Variants in CSPP1 observed in about 807,000 individuals in gnomAD.
CSPP1 encodes centrosome and spindle pole associated protein 1.
In CSPP1, 126 loss-of-function variants were observed where a neutral mutation model predicts 164.4. The ratio of observed to expected loss-of-function variants is 0.77; its 90% confidence interval spans 0.66 to 0.89. The LOEUF is 0.89. Among genes scored for constraint, CSPP1 ranks in the 40% least tolerant of loss-of-function variants. The pLI is 0.00. For missense variants in CSPP1, 1,395 were observed against 1,449.8 expected, an observed-to-expected ratio of 0.96 and a Z score of 0.61; for synonymous variants, 472 against 476.7, an observed-to-expected ratio of 0.99 and a Z score of 0.13.
At chr8:67,123,541 AT>A (rs1228623989) in intron 15 of CSPP1, among the ~76,000 whole-genome samples, 1 of 149,318 alleles carries the variant, frequency 6.7e-6, no homozygotes, top group Non-Finnish European at 1.5e-5. Flanking sequence ...CCATTTTGCA[AT>A]TTTTTTCTAT....
chr8:67,189,914 C>T (rs933383375), intron 28 of CSPP1, among the ~76,000 whole-genome samples: 2 of 152,044 alleles, frequency 1.3e-5, no homozygotes, highest in African/African-American at 4.8e-5. Context: ...AAATTAGCTA[C>T]CGATCCACTA....
At chr8:67,066,858 G>A (rs190979145) in intron 1 of CSPP1, among the ~76,000 whole-genome samples, 189 of 151,042 alleles carry the variant, frequency 1.3e-3, no homozygotes, top group African/African-American at 4.4e-3. Context: ...GTGTGATCTC[G>A]GCTCACTGCA....
intron 3 of CSPP1, among the ~76,000 whole-genome samples, chr8:67,077,438 C>G (rs1338884344): frequency 6.6e-6 from 1 of 152,076 alleles, no homozygotes; most frequent in African/African-American, 2.4e-5. Context: ...CAGGTTCAGG[C>G]GATTCTCCTG....
At chr8:67,079,178 A>G (rs60452538) in intron 3 of CSPP1, among the ~76,000 whole-genome samples, 2,372 of 152,078 alleles carry the variant, frequency 0.016, 54 homozygotes, top group African/African-American at 0.053. Flanking sequence ...GGCTTTATTT[A>G]CTGTTAGTGT....
intron 24 of CSPP1, among the ~76,000 whole-genome samples, chr8:67,165,528 C>T (rs892960538): frequency 5.9e-5 from 9 of 152,186 alleles, no homozygotes; most frequent in Non-Finnish European, 1.0e-4. Context: ...CTCCCAGTCT[C>T]CTCGGGTCTG....
intron 1 of CSPP1, among the ~76,000 whole-genome samples, chr8:67,065,297 G>A (rs117282873): frequency 1.3e-5 from 2 of 152,264 alleles, no homozygotes; most frequent in Non-Finnish European, 2.9e-5. Flanking sequence ...GTCAGTACAT[G>A]TTATTAATGG....
At chr8:67,112,288 T>A (rs1322757665) in intron 10 of CSPP1, among the ~76,000 whole-genome samples, 1 of 151,720 alleles carries the variant, frequency 6.6e-6, no homozygotes. Flanking sequence ...TTATATATTC[T>A]GTAATAGCCC....
rs1821338703 is a variant in CSPP1, at chr8:67,132,038, CA to C, written c.1788del (p.Lys596AsnfsTer36). The stretch of plus-strand genomic sequence containing the variant: ...TTTTTGAAGATAAACCGAAACCTTC[CA>C]AACAGTCACTTCAGTCTTACCAAGA... ...LIFEDKPKPSKQSLQSYQEAL... is the reference protein window; with the variant it reads ...LIFEDKPKPSXQSLQSYQEAL... On this transcript the variant is annotated frameshift_variant, in exon 16 of 31. Coordinates refer to ENST00000678616, the MANE Select transcript of CSPP1 (RefSeq NM_001382391.1). LOFTEE classifies it high-confidence loss of function. 6.2e-7 allele frequency: 1 copy of C among 1,613,574 alleles called. No homozygotes were observed. Among genetic ancestry groups the C allele is most frequent in the Non-Finnish European group, 8.5e-7 (1 of 1,179,814 alleles).
At chr8:67,067,445 T>G (rs1207124438) in intron 1 of CSPP1, among the ~76,000 whole-genome samples, 1 of 151,944 alleles carries the variant, frequency 6.6e-6, no homozygotes, top group East Asian at 1.9e-4. Flanking sequence ...GCAGGCTCTG[T>G]TTTTTTTGTT....
chr8:67,132,904 AACTT>A (rs1305450068), intron 16 of CSPP1, among the ~76,000 whole-genome samples: 1 of 152,326 alleles, frequency 6.6e-6, no homozygotes, highest in East Asian at 1.9e-4. Flanking sequence ...CTGGGACTCT[AACTT>A]ACTTACTTTT....
intron 18 of CSPP1, among the ~76,000 whole-genome samples, chr8:67,150,489 C>T (rs1197362175): frequency 6.6e-6 from 1 of 152,012 alleles, no homozygotes; most frequent in Non-Finnish European, 1.5e-5. Flanking sequence ...ACTGCAACCT[C>T]CACCTCCTGG....
At chr8:67,137,224 G>T (rs1468751794) in intron 16 of CSPP1, among the ~76,000 whole-genome samples, 1 of 151,666 alleles carries the variant, frequency 6.6e-6, no homozygotes, top group Non-Finnish European at 1.5e-5. Flanking sequence ...TAAGTGATCT[G>T]CCCACCTTGG....
At position 67,190,871 on chromosome 8, in the gene CSPP1, C is replaced by T. The variant is rs113407965; in HGVS notation, c.3330+112C>T. On this transcript the variant is annotated intron_variant, in intron 29 of 30. Coordinates refer to ENST00000678616, the MANE Select transcript of CSPP1 (RefSeq NM_001382391.1). ...AAAGAGCACTTGCTTGAAATTCAGA[C>T]ATGGGTCTGAATCTAGGCTCTGCCT... 12 of 752,188 alleles carry T rather than the reference C, an allele frequency of 1.6e-5. 1 individual carries two copies. The highest frequency in any genetic ancestry group is 1.7e-5 in the African/African-American group (1 of 58,286). The allele number at this position is 752,188 out of a possible 1,614,324, so 46.6% of individuals were successfully genotyped here. A position where few individuals can be genotyped will look rare whatever the true frequency, so the allele number is the denominator to read the frequency against.
chr8:67,159,053 AAAG>A lies in CSPP1; in HGVS notation c.2460_2462del (p.Lys821del). On this transcript the variant is annotated inframe_deletion, in exon 21 of 31. Coordinates refer to ENST00000678616, the MANE Select transcript of CSPP1 (RefSeq NM_001382391.1). ...AAGAAAGACAAAAAGAAGCAGAAAG[AAAG>A]AAGAAAGAAGAAGAAGAAAAATATA... The A allele has an allele frequency of 2.5e-6, 4 of 1,612,550 alleles. 1 individual carries two copies. Among genetic ancestry groups the A allele is most frequent in the East Asian group, 2.2e-5 (1 of 44,806 alleles).
chr8:67,153,917 T>G, intron 18 of CSPP1, 107 bp from the exon 19 acceptor site: 1 of 244,254 alleles, frequency 4.1e-6, no homozygotes, highest in Non-Finnish European at 8.1e-6. Context: ...ATCTTTGGAC[T>G]TTTTTTTTTT....
intron 4 of CSPP1, 21 bp downstream of exon 4, chr8:67,086,131 G>A: frequency 9.7e-7 from 1 of 1,035,858 alleles, no homozygotes; most frequent in South Asian, 1.3e-5. Context: ...CTATTAATGA[G>A]TTGGGTTTAA....
intron 17 of CSPP1, among the ~76,000 whole-genome samples, chr8:67,141,377 T>C (rs879676670): frequency 6.6e-6 from 1 of 152,216 alleles, no homozygotes; most frequent in African/African-American, 2.4e-5. Context: ...TTAGTTGGCT[T>C]ATTTAATGCC....
intron 25 of CSPP1, 23 bp from the exon 26 acceptor site, chr8:67,175,273 A>G (rs1831334489): frequency 6.4e-7 from 1 of 1,571,998 alleles, no homozygotes; most frequent in Non-Finnish European, 8.7e-7. Context: ...TAACTTAGTT[A>G]TATAACATAT....
At chr8:67,155,785 G>T (rs1826554874) in intron 19 of CSPP1, among the ~76,000 whole-genome samples, 1 of 152,112 alleles carries the variant, frequency 6.6e-6, no homozygotes, top group Admixed American at 6.6e-5. Context: ...AAAAAAGGAT[G>T]ATTGATGTGA....
Sources: gnomAD v4.1 joint callset for allele counts (sites outside exome capture counted in the v4.1 genomes callset) on GRCh38, gnomAD v4.1.1 for gene constraint, MANE v1.5 for transcripts, NCBI Gene and HGNC (gene_info 2026-07-23, HGNC 2026-07-21) for gene names.